Variants in SLC26A2 observed in about 807,000 individuals in gnomAD.
SLC26A2 encodes the protein sulfate transporter.
A neutral mutation model predicts 41.1 loss-of-function variants in SLC26A2; 36 were observed. The ratio of observed to expected loss-of-function variants is 0.88; its 90% CI spans 0.67 to 1.16. The LOEUF (loss-of-function observed/expected upper bound fraction) is 1.16. Ranked by LOEUF, SLC26A2 falls within the 50% of genes most tolerant of loss-of-function variation. The pLI is 0.00. For synonymous variants in SLC26A2, 291 were observed against 311.6 expected (o/e 0.93, Z 0.70); for missense variants, 796 against 869.6 (o/e 0.92, Z 1.07).
intron 1 of SLC26A2, among the ~76,000 whole-genome samples, chr5:149,969,066 A>G (rs1353600682): frequency 2.0e-5 from 3 of 152,178 alleles, no homozygotes; most frequent in Non-Finnish European, 4.4e-5. Flanking sequence ...AAGAAACAAA[A>G]ATTTTTGTCC....
At chr5:149,963,077 G>A (rs1422535849) in intron 1 of SLC26A2, among the ~76,000 whole-genome samples, 1 of 125,168 alleles carries the variant, frequency 8.0e-6, no homozygotes, top group African/African-American at 3.5e-5. Context: ...AATGGCAGTG[G>A]TGCTATATTT....
intron 1 of SLC26A2, among the ~76,000 whole-genome samples, chr5:149,963,154 G>C (rs933469432): frequency 1.2e-4 from 19 of 152,032 alleles, no homozygotes; most frequent in Non-Finnish European, 1.9e-4. Flanking sequence ...TTGTTGCCCA[G>C]GCTGGAGTGC....
chr5:149,978,564 T>C (rs1042569176), intron 2 of SLC26A2, among the ~76,000 whole-genome samples: 1 of 152,142 alleles, frequency 6.6e-6, no homozygotes, highest in African/African-American at 2.4e-5. Flanking sequence ...CCAGTACAAC[T>C]CCTTAATTTT....
At position 149,977,715 on chromosome 5, in the gene SLC26A2, C is replaced by T. The variant is rs1332403618; in HGVS notation, c.63C>T (p.Asp21=). The T allele has an allele frequency of 2.5e-6, 4 of 1,613,968 alleles. No homozygotes were observed. The highest frequency in any genetic ancestry group is 1.1e-5 in the South Asian group (1 of 91,084). The change falls in exon 2 of 3, where the codon GAC becomes GAT. Residue 21 remains aspartate (D), a synonymous_variant. Coordinates refer to ENST00000286298, the MANE Select transcript of SLC26A2 (RefSeq NM_000112.4). Reference sequence around the variant, plus strand: ...CCAGAGACTCAGCTGAAGGAAATGACAGTTATCCATCTGGGATCCATCTGG... The same window carrying T: ...CCAGAGACTCAGCTGAAGGAAATGATAGTTATCCATCTGGGATCCATCTGG... ...VSPRDSAEGN[D]SYPSGIHLEL...
At position 149,965,479 on chromosome 5, in the gene SLC26A2, C is replaced by CAAA. The variant is rs55779255; in HGVS notation, c.-26+4521_-26+4523dup. The stretch of plus-strand genomic sequence containing the variant: ...TGGGCAACAGAGCAAGACTCTGTCT[C>CAAA]AAAAAAAAAAAAAAAAAAAAAAAGC... On this transcript the variant is annotated intron_variant, in intron 1 of 2. Coordinates refer to ENST00000286298, the MANE Select transcript of SLC26A2 (RefSeq NM_000112.4). 2.9e-3 allele frequency among the ~76,000 whole-genome samples: 187 copies of CAAA among 63,634 alleles called. 4 individuals carry two copies. Among genetic ancestry groups the CAAA allele is most frequent in the African/African-American group, 7.1e-3 (114 of 16,140 alleles). 41.7% of individuals were successfully genotyped at this position (63,634 alleles called of 152,430 possible). A position where few individuals can be genotyped will look rare whatever the true frequency, so the allele number is the denominator to read the frequency against.
At chr5:149,964,182 A>G (rs1754764207) in intron 1 of SLC26A2, among the ~76,000 whole-genome samples, 1 of 152,170 alleles carries the variant, frequency 6.6e-6, no homozygotes, top group Admixed American at 6.5e-5. Context: ...AAGAAGAGGC[A>G]TAGTGCTTTA....
intron 1 of SLC26A2, among the ~76,000 whole-genome samples, chr5:149,964,092 A>C (rs1165929692): frequency 1.3e-5 from 2 of 152,164 alleles, no homozygotes; most frequent in Non-Finnish European, 2.9e-5. Context: ...CATATTTGGT[A>C]GGAGATAGGG....
rs1479332711 is a variant in SLC26A2 at position 149,984,493 on chromosome 5, C to T, written c.*2680C>T. 4 of 152,192 alleles carry T rather than the reference C, an allele frequency of 2.6e-5. No homozygotes were observed. Among genetic ancestry groups the T allele is most frequent in the Non-Finnish European group, 4.4e-5 (3 of 68,068 alleles). The allele number at this position is 152,192 out of a possible 1,614,324, so 9.4% of individuals were successfully genotyped here. A position where few individuals can be genotyped will look rare whatever the true frequency, so the allele number is the denominator to read the frequency against. ...TGGCTAACACTGTGAAACCCCGTCT[C>T]TACTAAAAATACAAAAAATTAGCGG... On this transcript the variant is annotated 3_prime_UTR_variant, in exon 3 of 3. Transcript: ENST00000286298.
At chr5:149,975,525 G>C (rs953156411) in intron 1 of SLC26A2, among the ~76,000 whole-genome samples, 3 of 152,180 alleles carry the variant, frequency 2.0e-5, no homozygotes, top group Non-Finnish European at 2.9e-5. Context: ...ACTCAAGCTA[G>C]CTCTAGAAAG....
At chr5:149,971,213 T>G (rs1242646617) in intron 1 of SLC26A2, among the ~76,000 whole-genome samples, 1 of 152,192 alleles carries the variant, frequency 6.6e-6, no homozygotes, top group Non-Finnish European at 1.5e-5. Context: ...GCCATCCTGG[T>G]TGTAGGCATC....
rs1395909349 is a variant in SLC26A2, at chr5:149,960,796, G to A, written c.-209G>A. The A allele has an allele frequency of 6.6e-6, 1 of 152,368 alleles. No individual in the cohort carries two copies. Among genetic ancestry groups the A allele is most frequent in the Non-Finnish European group, 1.5e-5 (1 of 68,140 alleles). 9.4% of individuals were successfully genotyped at this position (152,368 alleles called of 1,614,324 possible). Reference sequence around the variant, plus strand: ...CTGCCTCCGGCATCTCTTCGCCGGTGCGTCCTCGCCGCGCCCGTAGGTCCC... The same window carrying A: ...CTGCCTCCGGCATCTCTTCGCCGGTACGTCCTCGCCGCGCCCGTAGGTCCC... On this transcript the variant is annotated 5_prime_UTR_variant, in exon 1 of 3. Transcript: ENST00000286298.
At chr5:149,970,709 G>T (rs561516129) in intron 1 of SLC26A2, among the ~76,000 whole-genome samples, 1 of 152,284 alleles carries the variant, frequency 6.6e-6, no homozygotes, top group East Asian at 1.9e-4. Flanking sequence ...GATCTTGCAG[G>T]CTATTAGAGT....
Position 149,983,426 on chromosome 5 carries a change from T to G in SLC26A2, c.*1613T>G, listed in dbSNP as rs1755140519. ...TAGGTGATTATAATCAAGTGTAGGC[T>G]TCCTGAATTTTGACATCCTTTTAGA... is the stretch of plus-strand genomic sequence containing the variant. On this transcript the variant is annotated 3_prime_UTR_variant, in exon 3 of 3. Coordinates refer to ENST00000286298, the MANE Select transcript of SLC26A2 (RefSeq NM_000112.4). 6.6e-6 allele frequency: 1 copy of G among 152,160 alleles called. No individual in the cohort carries two copies. Among genetic ancestry groups the G allele is most frequent in the Non-Finnish European group, 1.5e-5 (1 of 68,018 alleles). The allele number at this position is 152,160 out of a possible 1,614,324, so 9.4% of individuals were successfully genotyped here. A position where few individuals can be genotyped will look rare whatever the true frequency, so the allele number is the denominator to read the frequency against.
At chr5:149,964,563 G>A (rs892829512) in intron 1 of SLC26A2, among the ~76,000 whole-genome samples, 11 of 152,142 alleles carry the variant, frequency 7.2e-5, no homozygotes, top group East Asian at 1.9e-4. Context: ...GGATCACGAG[G>A]TCAGGAGCTC....
chr5:149,969,607 A>G (rs899258485), intron 1 of SLC26A2, among the ~76,000 whole-genome samples: 2 of 152,162 alleles, frequency 1.3e-5, no homozygotes, highest in African/African-American at 4.8e-5. Flanking sequence ...TAGTTGTACC[A>G]CTGAAATGGC....
rs943462129 is a variant in SLC26A2 at position 149,986,106 on chromosome 5, A to G, written c.*4293A>G. ...ATTTGAAACTGGGCTTAAACTGCAA[A>G]AAGAATGAAGTTGGATTTAGGAAGC... On this transcript the variant is annotated 3_prime_UTR_variant, in exon 3 of 3. Coordinates refer to ENST00000286298, the MANE Select transcript of SLC26A2 (RefSeq NM_000112.4). The G allele has an allele frequency of 2.0e-5, 3 of 152,178 alleles. No individual in the cohort carries two copies. The highest frequency in any genetic ancestry group is 7.2e-5 in the African/African-American group (3 of 41,438). 9.4% of individuals were successfully genotyped at this position (152,178 alleles called of 1,614,324 possible).
At chr5:149,965,040 C>T (rs1754782743) in intron 1 of SLC26A2, among the ~76,000 whole-genome samples, 1 of 152,100 alleles carries the variant, frequency 6.6e-6, no homozygotes, top group Admixed American at 6.5e-5. Context: ...TGTAAAATTG[C>T]TAAATAGGTG....
chr5:149,980,017 T>G (rs541858408), intron 2 of SLC26A2, among the ~76,000 whole-genome samples: 7 of 152,176 alleles, frequency 4.6e-5, no homozygotes, highest in Non-Finnish European at 1.0e-4. Flanking sequence ...ATGAACCTTA[T>G]TCAAGTTTAA....
Position 149,981,550 on chromosome 5 carries a change from T to G in SLC26A2, c.1957T>G (p.Cys653Gly). ...GGAGCTGCATACTATAGTGATTGAC[T>G]GCAGTGCAATTCAATTTTTAGATAC... ...PLELHTIVID[C>G]SAIQFLDTAG... Residue 653 changes from cysteine to glycine, a missense_variant, in exon 3 of 3, where the codon TGC becomes GGC. Cys to Gly is a radical substitution (Grantham distance 159). Transcript: ENST00000286298. The G allele has an allele frequency of 6.2e-7, 1 of 1,614,124 alleles. No homozygotes were observed. Among genetic ancestry groups the G allele is most frequent in the Non-Finnish European group, 8.5e-7 (1 of 1,180,002 alleles).
Sources: allele counts gnomAD v4.1 joint callset (sites outside exome capture counted in the v4.1 genomes callset), GRCh38; gene constraint gnomAD v4.1.1; transcripts MANE v1.5; gene names NCBI Gene and HGNC (gene_info 2026-07-23, HGNC 2026-07-21).